OR51B5: variants seen among roughly 807,000 people sequenced by gnomAD.
The protein encoded by OR51B5 is olfactory receptor 51B5.
For synonymous variants in OR51B5, 186 were observed against 144.8 expected (o/e 1.28, Z -2.04); for missense variants, 456 against 374.6 (o/e 1.22, Z -1.79).
intron 1 of OR51B5, among the ~76,000 whole-genome samples, chr11:5,439,134 C>T (rs935342172): frequency 5.3e-5 from 8 of 151,568 alleles, no homozygotes; most frequent in African/African-American, 1.9e-4. Context: ...GTTCTATTTG[C>T]CTGAATGGGA....
At chr11:5,443,819 G>T (rs1040100610) in intron 1 of OR51B5, among the ~76,000 whole-genome samples, 2 of 151,876 alleles carry the variant, frequency 1.3e-5, no homozygotes, top group Non-Finnish European at 2.9e-5. Context: ...TGGAAGGAAG[G>T]TCAAGAAGGT....
chr11:5,381,855 A>G (rs1849612965), intron 1 of OR51B5, among the ~76,000 whole-genome samples: 1 of 152,244 alleles, frequency 6.6e-6, no homozygotes, highest in Non-Finnish European at 1.5e-5. Flanking sequence ...TAGAATATAA[A>G]GCTATTATAC....
intron 1 of OR51B5, among the ~76,000 whole-genome samples, chr11:5,485,900 A>T (rs991649665): frequency 1.3e-5 from 2 of 152,148 alleles, no homozygotes; most frequent in Non-Finnish European, 2.9e-5. Flanking sequence ...TTTAATGATA[A>T]GATCTTTAAA....
exon 1 of OR51B5, chr11:5,342,597 T>A (rs1848912470): frequency 3.2e-6 from 5 of 1,584,016 alleles, no homozygotes; most frequent in Non-Finnish European, 4.3e-6. Flanking sequence ...CAGGTTCCAA[T>A]TCTATGGGTA....
chr11:5,381,204 T>G (rs2133718453), intron 1 of OR51B5, among the ~76,000 whole-genome samples: 1 of 146,462 alleles, frequency 6.8e-6, no homozygotes, highest in South Asian at 2.2e-4. Flanking sequence ...TTACATGCAA[T>G]GAAAACCATT....
At chr11:5,489,433 A>G in intron 1 of OR51B5, 1 of 1,613,800 alleles carries the variant, frequency 6.2e-7, no homozygotes, top group South Asian at 1.1e-5. Context: ...AGCTCTGAGT[A>G]CCTGTGGCTC....
chr11:5,363,763 T>C (rs968053953), intron 1 of OR51B5, among the ~76,000 whole-genome samples: 1 of 152,184 alleles, frequency 6.6e-6, no homozygotes, highest in South Asian at 2.1e-4. Flanking sequence ...AGCATTTTCA[T>C]GAGGATTCTA....
chr11:5,440,933 G>A, intron 1 of OR51B5: 1 of 1,613,908 alleles, frequency 6.2e-7, no homozygotes, highest in African/African-American at 1.3e-5. Flanking sequence ...TGTTAACATG[G>A]ATGTCTCCAC....
chr11:5,454,410 C>G, intron 1 of OR51B5: 1 of 1,606,784 alleles, frequency 6.2e-7, no homozygotes, highest in Non-Finnish European at 8.5e-7. Flanking sequence ...CCGCATGTTT[C>G]ACCACATCAA....
At chr11:5,343,308 G>A (rs1290387914) in exon 1 of OR51B5, 14 of 1,610,038 alleles carry the variant, frequency 8.7e-6, no homozygotes, top group Non-Finnish European at 1.2e-5. Context: ...ATTGTGGTCA[G>A]GGCCAGCCCC....
chr11:5,340,645 C>G (rs1037284978), downstream of OR51B5: 1 of 151,992 alleles, frequency 6.6e-6, no homozygotes, highest in Non-Finnish European at 1.5e-5. Flanking sequence ...ACAAGCATGA[C>G]GGAATACAAG....
chr11:5,445,711 T>C (rs1850750208), intron 1 of OR51B5, among the ~76,000 whole-genome samples: 2 of 151,164 alleles, frequency 1.3e-5, no homozygotes, highest in African/African-American at 4.9e-5. Context: ...ACTTATCTAG[T>C]GTGCATGTAA....
chr11:5,361,556 A>T (rs1041892409), intron 1 of OR51B5, among the ~76,000 whole-genome samples: 2 of 152,204 alleles, frequency 1.3e-5, no homozygotes, highest in African/African-American at 4.8e-5. Context: ...AGGAATGAGC[A>T]GTAGACGGTT....
At chr11:5,446,134 T>G (rs1564816081) in intron 1 of OR51B5, among the ~76,000 whole-genome samples, 2 of 152,116 alleles carry the variant, frequency 1.3e-5, no homozygotes, top group Non-Finnish European at 1.5e-5. Flanking sequence ...GGGATAGCAT[T>G]AGGAGATACA....
chr11:5,454,286 G>A (rs763213167), intron 1 of OR51B5: 1 of 1,614,194 alleles, frequency 6.2e-7, no homozygotes, highest in Non-Finnish European at 8.5e-7. Context: ...GCTTTGGGAA[G>A]CATGTCCCAT....
At chr11:5,447,170 C>A (rs1380683827) in intron 1 of OR51B5, among the ~76,000 whole-genome samples, 1 of 152,184 alleles carries the variant, frequency 6.6e-6, no homozygotes, top group Non-Finnish European at 1.5e-5. Flanking sequence ...CTGTTCTGTA[C>A]CAAGGCTAAG....
chr11:5,442,033 C>G (rs996819497), intron 1 of OR51B5, among the ~76,000 whole-genome samples: 1 of 152,174 alleles, frequency 6.6e-6, no homozygotes, highest in African/African-American at 2.4e-5. Context: ...CTCTAGGCTT[C>G]TACCTTCCAA....
At chr11:5,404,559 A>G (rs116618489) in intron 1 of OR51B5, among the ~76,000 whole-genome samples, 24,522 of 152,088 alleles carry the variant, frequency 0.16, 2,449 homozygotes, top group African/African-American at 0.29. Context: ...TGGACCAAGA[A>G]ACAGGATGTG....
intron 1 of OR51B5, chr11:5,455,785 A>G (rs1313652828): frequency 6.6e-6 from 1 of 152,158 alleles, no homozygotes; most frequent in East Asian, 1.9e-4. Flanking sequence ...TATTTTAAAA[A>G]TGAGATAATG....
Sources: gnomAD v4.1 joint callset for allele counts (sites outside exome capture counted in the v4.1 genomes callset) on GRCh38, gnomAD v4.1.1 for gene constraint, MANE v1.5 for transcripts, NCBI Gene and HGNC (gene_info 2026-07-23, HGNC 2026-07-21) for gene names.